UBR4: variants seen among roughly 807,000 people sequenced by gnomAD.
UBR4 encodes the protein E3 ubiquitin-protein ligase UBR4.
UBR4 carries 124 observed loss-of-function variants against 575.6 expected under a neutral mutation model. The observed-to-expected ratio is 0.22, with a 90% CI of 0.19 to 0.25. The LOEUF is 0.25. UBR4 is among the 10% of genes least tolerant of loss of function. The probability of loss-of-function intolerance (pLI) is 1.00; values close to 1 mark genes in which losing one functional copy is unlikely to be tolerated. For synonymous variants in UBR4, 2,455 were observed against 2,473.7 expected (o/e 0.99, Z 0.22); for missense variants, 4,818 against 6,478.8 (o/e 0.74, Z 8.80).
intron 61 of UBR4, among the ~76,000 whole-genome samples, chr1:19,128,547 A>C (rs2082069015): frequency 6.6e-6 from 1 of 152,248 alleles, no homozygotes; most frequent in Non-Finnish European, 1.5e-5. Context: ...GTTTTGTAAA[A>C]AGTTTGTAAA....
At chr1:19,076,589 C>T (rs754592766) in intron 105 of UBR4, 151 bp downstream of exon 105, 24 of 1,017,920 alleles carry the variant, frequency 2.4e-5, no homozygotes, top group Admixed American at 6.2e-5. Flanking sequence ...TTGCTATTTA[C>T]GCATCTTTCC....
Position 19,088,906 on chromosome 1 carries a change from C to G in UBR4, c.14283G>C (p.Gly4761=). 2 of 1,614,220 alleles carry G rather than the reference C, an allele frequency of 1.2e-6. No homozygotes were observed. Among genetic ancestry groups the G allele is most frequent in the Non-Finnish European group, 1.7e-6 (2 of 1,180,038 alleles). ...CTTCCAGCAGGTTCTCTGCCAAGGT[C>G]CCAATGCCCTCATCACTGGACACCT... ...LEQVSSDEGI[G]TLAENLLEAL... The change falls in exon 98 of 106, where the codon GGG becomes GGC. Residue 4761 remains glycine (G), a synonymous_variant. Coordinates refer to ENST00000375254, the MANE Select transcript of UBR4 (RefSeq NM_020765.3). This position sits in a 1 kb window ranked among gnomAD's most constrained non-coding sequence, Gnocchi z 4.0.
At chr1:19,106,780 G>A in intron 82 of UBR4, 54 bp from the exon 83 acceptor site, 1 of 1,602,954 alleles carries the variant, frequency 6.2e-7, no homozygotes, top group Non-Finnish European at 8.5e-7. Context: ...AGTGACAGAA[G>A]GCAGGGCTGT....
intron 11 of UBR4, among the ~76,000 whole-genome samples, chr1:19,190,551 T>C (rs1008147717): frequency 3.3e-5 from 5 of 151,868 alleles, no homozygotes; most frequent in South Asian, 4.1e-4. Flanking sequence ...ACACTCAGCA[T>C]GGCCAATATT....
chr1:19,119,466 C>A, intron 70 of UBR4, 91 bp downstream of exon 70: 1 of 1,517,224 alleles, frequency 6.6e-7, no homozygotes, highest in South Asian at 1.3e-5. Flanking sequence ...TATGGACTCC[C>A]TATATCTGGG....
chr1:19,096,429 A>AG, intron 92 of UBR4, 94 bp downstream of exon 92: 1 of 1,531,514 alleles, frequency 6.5e-7, no homozygotes, highest in South Asian at 1.3e-5. Context: ...GCTGCCCTCT[A>AG]GGGTAAAATG....
At chr1:19,154,335 C>G (rs6691238) in intron 44 of UBR4, among the ~76,000 whole-genome samples, 5 of 151,970 alleles carry the variant, frequency 3.3e-5, no homozygotes, top group Non-Finnish European at 5.9e-5. Context: ...ATGTAATTCC[C>G]AAAGAAAGGT....
intron 60 of UBR4, among the ~76,000 whole-genome samples, chr1:19,136,032 A>G (rs1398953837): frequency 6.6e-6 from 1 of 152,214 alleles, no homozygotes; most frequent in Non-Finnish European, 1.5e-5. Flanking sequence ...AGGAAATAAC[A>G]GAATACCATT....
At chr1:19,205,814 G>C (rs2092977664) in intron 1 of UBR4, among the ~76,000 whole-genome samples, 1 of 152,184 alleles carries the variant, frequency 6.6e-6, no homozygotes, top group Admixed American at 6.5e-5. Flanking sequence ...AGGTGTCTTT[G>C]CCCTAAATTC....
chr1:19,160,280 G>T lies in UBR4; in HGVS notation c.5408C>A (p.Ala1803Asp). Residue 1803 changes from alanine to aspartate, a missense_variant and splice_region_variant, in exon 39 of 106, where the codon GCC becomes GAC. This residue lies in a region of UBR4 where 159 missense variants were observed against 174.6 expected (regional missense o/e 0.91). Coordinates refer to ENST00000375254, the MANE Select transcript of UBR4 (RefSeq NM_020765.3). The part of the protein sequence containing the change: ...EGCREELQNQ[A>D]NFSFAPLVLD... ...CACGAGAGGAGCGAAGGAGAAATTG[G>T]CCTGAGAAAAATAGAAAAAATACAC... 1 of 1,593,424 alleles carries T rather than the reference G, an allele frequency of 6.3e-7. No homozygotes were observed. The highest frequency in any genetic ancestry group is 8.5e-7 in the Non-Finnish European group (1 of 1,170,576).
chr1:19,140,739 C>T (rs762707407), intron 58 of UBR4, 49 bp downstream of exon 58: 1 of 1,560,306 alleles, frequency 6.4e-7, no homozygotes, highest in African/African-American at 1.3e-5. Context: ...GGAAACAAGG[C>T]CTGAGGGTCC....
Position 19,199,735 on chromosome 1 carries a change from C to T in UBR4, c.294G>A (p.Gln98=). The stretch of plus-strand genomic sequence containing the variant: ...GAACTTTACAGGCTGCTGCCACTGA[C>T]TGAAGTTGGTTCCGGGGAACTGAGA... The part of the protein sequence containing the change: ...VCSLIPRNQL[Q]SVAAACKVLI... The change falls in exon 3 of 106, where the codon CAG becomes CAA. Residue 98 remains glutamine, a synonymous_variant. Transcript: ENST00000375254. The T allele has an allele frequency of 6.2e-7, 1 of 1,614,182 alleles. No homozygotes were observed. Among genetic ancestry groups the T allele is most frequent in the Non-Finnish European group, 8.5e-7 (1 of 1,180,016 alleles).
intron 90 of UBR4, 114 bp downstream of exon 90, chr1:19,099,483 T>C (rs2078397395): frequency 2.1e-6 from 2 of 935,840 alleles, no homozygotes; most frequent in Non-Finnish European, 3.3e-6. Flanking sequence ...AGTAAAGCCT[T>C]AGAGAGCTGC....
In UBR4 at chr1:19,176,713, C is replaced by A. The variant is rs781150584; in HGVS notation, c.2652G>T (p.Leu884=). The A allele has an allele frequency of 1.2e-6, 2 of 1,613,854 alleles. No individual in the cohort carries two copies. The highest frequency in any genetic ancestry group is 1.7e-5 in the Admixed American group (1 of 59,998). The change falls in exon 20 of 106, where the codon CTG becomes CTT. Residue 884 remains leucine, a synonymous_variant. Transcript: ENST00000375254. The stretch of plus-strand genomic sequence containing the variant: ...TTGCCCACCCAAAGGGAGGACTTAG[C>A]AGGTTATGCTGTACCTTTTAAAACA... The part of the protein sequence containing the change: ...VYLFEQVQHN[L]LSPPFGWASG...
chr1:19,105,975 T>A, intron 83 of UBR4, 133 bp from the exon 84 acceptor site: 1 of 556,296 alleles, frequency 1.8e-6, no homozygotes. Flanking sequence ...TGTTAAGAGG[T>A]AAAAATCACC....
chr1:19,176,686 A>G lies in UBR4; in HGVS notation c.2679T>C (p.Ser893=). The change falls in exon 20 of 106, where the codon AGT becomes AGC. Residue 893 remains serine, a synonymous_variant. Coordinates refer to ENST00000375254, the MANE Select transcript of UBR4 (RefSeq NM_020765.3). ...GGCGGCTGTTGCTGTCCTGGGATCCACTTGCCCACCCAAAGGGAGGACTTA... is the reference window on the plus strand; with the variant it reads ...GGCGGCTGTTGCTGTCCTGGGATCCGCTTGCCCACCCAAAGGGAGGACTTA... ...NLLSPPFGWA[S]GSQDSNSRRA... 4 of 1,614,106 alleles carry G rather than the reference A, an allele frequency of 2.5e-6. No individual in the cohort carries two copies. Among genetic ancestry groups the G allele is most frequent in the Non-Finnish European group, 3.4e-6 (4 of 1,180,016 alleles).
chr1:19,116,214 A>G (rs2080511118), intron 73 of UBR4, among the ~76,000 whole-genome samples: 1 of 152,346 alleles, frequency 6.6e-6, no homozygotes, highest in Middle Eastern at 3.4e-3. Context: ...TAAACCCTGG[A>G]AGTGGGGTCC....
intron 13 of UBR4, 80 bp downstream of exon 13, chr1:19,187,076 TTATATATA>T (rs59833909): frequency 1.2e-5 from 9 of 733,330 alleles, no homozygotes; most frequent in Non-Finnish European, 1.5e-5. Flanking sequence ...CAAGAAAGTT[TTATATATA>T]TATATATATA....
intron 90 of UBR4, 62 bp from the exon 91 acceptor site, chr1:19,097,342 C>T: frequency 6.8e-7 from 1 of 1,471,498 alleles, no homozygotes; most frequent in Non-Finnish European, 9.3e-7. Context: ...CAAAGGACTC[C>T]ATACTTGGTC....
Sources: gnomAD v4.1 joint callset for allele counts (sites outside exome capture counted in the v4.1 genomes callset) on GRCh38, gnomAD v4.1.1 for gene constraint, gnomAD v4.1.1 regional missense constraint, Gnocchi (gnomAD v3.1) non-coding constraint, MANE v1.5 for transcripts, NCBI Gene and HGNC (gene_info 2026-07-23, HGNC 2026-07-21) for gene names.